ASTN2: variants seen among roughly 807,000 people sequenced by gnomAD.
ASTN2 encodes the protein astrotactin-2.
ASTN2 carries 54 observed loss-of-function variants against 139.8 expected under a neutral mutation model. That is an observed-to-expected ratio of 0.39 (90% confidence interval 0.31 to 0.48). The LOEUF is 0.48. Ranked by LOEUF, ASTN2 falls within the 20% of genes least tolerant of loss-of-function variation. ASTN2 has a pLI of 0.95. For missense variants in ASTN2, 1,565 were observed against 1,725.1 expected, an observed-to-expected ratio of 0.91 and a Z score of 1.64; for synonymous variants, 756 against 719.5, an observed-to-expected ratio of 1.05 and a Z score of -0.81.
chr9:116,732,074 C>T lies in ASTN2; in HGVS notation c.2521+1325G>A, dbSNP rs142354906. Among the ~76,000 whole-genome samples the T allele has an allele frequency of 6.4e-3, 969 of 152,244 alleles. 65 individuals carry two copies. The South Asian group carries it at 0.16, about 25-fold the overall frequency. ...ACATTTTACAAGGTGTCTTTTACAT[C>T]CATCATTTCATTTGATCTACATCTG... is the stretch of plus-strand genomic sequence containing the variant. On this transcript the variant is annotated intron_variant, in intron 14 of 22. Transcript: ENST00000313400.
At chr9:117,360,894 T>C (rs1829673670) in intron 1 of ASTN2, among the ~76,000 whole-genome samples, 1 of 152,346 alleles carries the variant, frequency 6.6e-6, no homozygotes, top group East Asian at 1.9e-4. Context: ...CTTCTTTGCT[T>C]CTAATAGAAA....
At chr9:116,658,629 C>A (rs548150893) in intron 16 of ASTN2, among the ~76,000 whole-genome samples, 1 of 151,884 alleles carries the variant, frequency 6.6e-6, no homozygotes, top group South Asian at 2.1e-4. Context: ...AACAAGCCCC[C>A]CAAGACAAAT....
intron 1 of ASTN2, among the ~76,000 whole-genome samples, chr9:117,370,839 T>G (rs1353703057): frequency 6.6e-6 from 1 of 152,100 alleles, no homozygotes; most frequent in Non-Finnish European, 1.5e-5. Flanking sequence ...GCCTCCTAAG[T>G]AGCTGGGATA....
intron 2 of ASTN2, among the ~76,000 whole-genome samples, chr9:117,225,183 C>G (rs1277733961): frequency 2.6e-5 from 4 of 152,074 alleles, no homozygotes; most frequent in African/African-American, 7.2e-5. Flanking sequence ...AAATGCCTCT[C>G]TAAGGGCAGG....
chr9:117,078,390 T>C (rs149099894), intron 5 of ASTN2, among the ~76,000 whole-genome samples: 131 of 152,360 alleles, frequency 8.6e-4, no homozygotes, highest in African/African-American at 2.9e-3. Context: ...CCTTGATTTA[T>C]GGTCTTTTGT....
intron 5 of ASTN2, among the ~76,000 whole-genome samples, chr9:117,062,570 G>T (rs1839324651): frequency 6.6e-6 from 1 of 152,102 alleles, no homozygotes; most frequent in African/African-American, 2.4e-5. Flanking sequence ...GAGAATCAGA[G>T]AAAGGTTTTT....
At chr9:116,692,082 AT>A (rs1024880778) in intron 16 of ASTN2, among the ~76,000 whole-genome samples, 4 of 152,188 alleles carry the variant, frequency 2.6e-5, no homozygotes, top group African/African-American at 9.7e-5. Context: ...CTTAGTAAAG[AT>A]TTGTTTTGTT....
At chr9:117,009,371 T>G (rs1321827508) in intron 6 of ASTN2, among the ~76,000 whole-genome samples, 1 of 152,164 alleles carries the variant, frequency 6.6e-6, no homozygotes, top group East Asian at 1.9e-4. Flanking sequence ...ATATTCCACA[T>G]ACATGCACAT....
intron 3 of ASTN2, among the ~76,000 whole-genome samples, chr9:117,204,438 T>C (rs1831844249): frequency 6.6e-6 from 1 of 152,186 alleles, no homozygotes; most frequent in Non-Finnish European, 1.5e-5. Context: ...CTATGAAGTG[T>C]TAGCCACTAT....
chr9:116,848,195 A>G (rs1832497249), intron 11 of ASTN2, among the ~76,000 whole-genome samples: 1 of 152,220 alleles, frequency 6.6e-6, no homozygotes, highest in Non-Finnish European at 1.5e-5. Flanking sequence ...TCACAGATGG[A>G]AAACAGGCTT....
chr9:116,658,733 C>CT (rs71502074), intron 16 of ASTN2, among the ~76,000 whole-genome samples: 12,379 of 99,644 alleles, frequency 0.12, 1,131 homozygotes, highest in Non-Finnish European at 0.15. Context: ...GACCACCGCT[C>CT]TTTTTTTTTT....
chr9:117,235,858 T>C (rs1833029510), intron 2 of ASTN2, among the ~76,000 whole-genome samples: 1 of 152,240 alleles, frequency 6.6e-6, no homozygotes, highest in Non-Finnish European at 1.5e-5. Context: ...TTGCTGGTCC[T>C]AGCCCTACAG....
intron 3 of ASTN2, among the ~76,000 whole-genome samples, chr9:117,196,961 C>A (rs140328406): frequency 6.6e-6 from 1 of 152,124 alleles, no homozygotes; most frequent in African/African-American, 2.4e-5. Flanking sequence ...ATTTATCAAA[C>A]TTTCAAATGC....
chr9:117,109,704 A>G (rs1169133705), intron 4 of ASTN2, among the ~76,000 whole-genome samples: 1 of 152,170 alleles, frequency 6.6e-6, no homozygotes, highest in African/African-American at 2.4e-5. Context: ...GTTTCATCCA[A>G]TAGGACAACT....
chr9:116,842,769 G>T (rs960906974), intron 11 of ASTN2, among the ~76,000 whole-genome samples: 1 of 151,944 alleles, frequency 6.6e-6, no homozygotes. Flanking sequence ...ATGCAAAAAG[G>T]ATTACAGGGA....
chr9:116,620,072 G>A (rs1367453471), intron 18 of ASTN2, among the ~76,000 whole-genome samples: 1 of 152,096 alleles, frequency 6.6e-6, no homozygotes, highest in Non-Finnish European at 1.5e-5. Context: ...AAGAAATGAT[G>A]AACTGAGTGG....
intron 11 of ASTN2, among the ~76,000 whole-genome samples, chr9:116,834,101 AGCT>A (rs1831909555): frequency 6.6e-6 from 1 of 152,244 alleles, no homozygotes; most frequent in Admixed American, 6.5e-5. Context: ...TGCTGAAGGC[AGCT>A]GTTATTGCTC....
intron 11 of ASTN2, among the ~76,000 whole-genome samples, chr9:116,833,737 A>T (rs1181974363): frequency 6.6e-6 from 1 of 152,138 alleles, no homozygotes; most frequent in Non-Finnish European, 1.5e-5. Context: ...TTTTTCTGTT[A>T]TATCTATTAT....
In ASTN2 at chr9:116,698,400, G is replaced by A; in HGVS notation, c.2806+27371C>T. 6.2e-7 allele frequency: 1 copy of A among 1,614,148 alleles called. No individual in the cohort carries two copies. The highest frequency in any genetic ancestry group is 2.2e-5 in the East Asian group (1 of 44,860). On this transcript the variant is annotated intron_variant, in intron 16 of 22. Transcript: ENST00000313400. The surrounding 1 kb of genome is among the most constrained non-coding windows in gnomAD (Gnocchi z 4.4). ...TGAAGTTGAGAAGTCCAATAGTCAA[G>A]TGGTAGAGGAGCAGAGTTACCTGCT...
Sources: gnomAD v4.1 joint callset for allele counts (sites outside exome capture counted in the v4.1 genomes callset) on GRCh38, gnomAD v4.1.1 for gene constraint, Gnocchi (gnomAD v3.1) non-coding constraint, MANE v1.5 for transcripts, NCBI Gene and HGNC (gene_info 2026-07-23, HGNC 2026-07-21) for gene names.